FRMD4B: variants seen among roughly 807,000 people sequenced by gnomAD.
FRMD4B encodes FERM domain-containing protein 4B.
A neutral mutation model predicts 141.5 loss-of-function variants in FRMD4B; 74 were observed. The ratio of observed to expected loss-of-function variants is 0.52; its 90% confidence interval spans 0.43 to 0.63. The LOEUF is 0.63. FRMD4B is among the 30% of genes least tolerant of loss of function. FRMD4B has a pLI of 0.00. For missense variants in FRMD4B, 1,366 were observed against 1,253.4 expected (o/e 1.09, Z -1.36); for synonymous variants, 506 against 467.9 (o/e 1.08, Z -1.05).
Position 69,176,605 on chromosome 3 carries a change from A to G in FRMD4B, c.2903T>C (p.Leu968Pro). The G allele has an allele frequency of 6.2e-7, 1 of 1,606,490 alleles. No individual in the cohort carries two copies. Among genetic ancestry groups the G allele is most frequent in the Non-Finnish European group, 8.5e-7 (1 of 1,172,990 alleles). ...ATGTGCTGGAGTCTCGTAATCCGAC[A>G]GCCCTATGGTTAACTGGGTCCTCCA... is the stretch of plus-strand genomic sequence containing the variant. ...GNWRTQLTIG[L>P]SDYETPAHSS... is the part of the protein sequence containing the mutation. Residue 968 changes from leucine (L) to proline (P), a missense_variant, in exon 22 of 23, where the codon CTG becomes CCG. By Grantham distance (98) the Leu-to-Pro change is moderately conservative. Coordinates refer to ENST00000398540, the MANE Select transcript of FRMD4B (RefSeq NM_015123.3).
intron 9 of FRMD4B, among the ~76,000 whole-genome samples, chr3:69,221,145 T>C (rs530108065): frequency 6.6e-6 from 1 of 151,978 alleles, no homozygotes; most frequent in Admixed American, 6.6e-5. Context: ...GTATTTTTAG[T>C]GGAGATGGGG....
chr3:69,183,476 T>C (rs927110256), intron 19 of FRMD4B, among the ~76,000 whole-genome samples: 2 of 122,304 alleles, frequency 1.6e-5, no homozygotes, highest in Non-Finnish European at 3.4e-5. Context: ...AGAAGTTAAT[T>C]TTTTTTTTTT....
At chr3:69,332,917 G>C (rs754986380) in intron 1 of FRMD4B, among the ~76,000 whole-genome samples, 1 of 151,820 alleles carries the variant, frequency 6.6e-6, no homozygotes, top group Non-Finnish European at 1.5e-5. Context: ...CCATCTCCTC[G>C]TCCTTAACAA....
At chr3:69,457,578 C>T (rs890957249) in intron 1 of FRMD4B, among the ~76,000 whole-genome samples, 1 of 152,118 alleles carries the variant, frequency 6.6e-6, no homozygotes, top group African/African-American at 2.4e-5. Context: ...TGGCCGAGGT[C>T]GAAGTGTTAA....
chr3:69,267,868 A>T (rs894750816), intron 5 of FRMD4B, among the ~76,000 whole-genome samples: 1 of 151,652 alleles, frequency 6.6e-6, no homozygotes, highest in Non-Finnish European at 1.5e-5. Flanking sequence ...CGTGGCCTCA[A>T]GTGATCCTCC....
intron 22 of FRMD4B, among the ~76,000 whole-genome samples, chr3:69,172,889 TCTTTGGAAGAAGAG>T (rs2092603435): frequency 1.3e-5 from 2 of 152,150 alleles, no homozygotes; most frequent in African/African-American, 4.8e-5. Context: ...TTTTTTAAAG[TCTTTGGAAGAAGAG>T]CTTTGGAAAT....
intron 2 of FRMD4B, among the ~76,000 whole-genome samples, chr3:69,420,290 C>CCAA (rs1553641598): frequency 2.2e-4 from 29 of 132,012 alleles, no homozygotes; most frequent in African/African-American, 8.1e-4. Flanking sequence ...AAAGGGATAT[C>CCAA]AAAAAAAAAA....
In FRMD4B at chr3:69,267,503, T is replaced by C. The variant is rs138362011; in HGVS notation, c.502-17404A>G. The stretch of plus-strand genomic sequence containing the variant: ...TGTAACCTCCACATGGGCAGAGATA[T>C]CTTTAACTCACTACTGCACACCCAG... On this transcript the variant is annotated intron_variant, in intron 5 of 22. Transcript: ENST00000398540. Among the ~76,000 whole-genome samples, 581 of 151,708 alleles carry C rather than the reference T, an allele frequency of 3.8e-3. 3 individuals are homozygous for C. The highest frequency in any genetic ancestry group is 0.014 in the African/African-American group (561 of 41,270).
chr3:69,365,508 T>TTTTG (rs565431237), intron 1 of FRMD4B, among the ~76,000 whole-genome samples: 4 of 143,524 alleles, frequency 2.8e-5, no homozygotes, highest in African/African-American at 1.1e-4. Context: ...AACCTTTGTT[T>TTTTG]TTTTTCTTTT....
chr3:69,356,107 AC>A (rs1399884656), intron 1 of FRMD4B, among the ~76,000 whole-genome samples: 1 of 152,186 alleles, frequency 6.6e-6, no homozygotes, highest in Non-Finnish European at 1.5e-5. Flanking sequence ...GTAGGGGGGA[AC>A]CCCATATCCC....
At chr3:69,513,931 A>G (rs1706729755) in intron 1 of FRMD4B, among the ~76,000 whole-genome samples, 1 of 152,144 alleles carries the variant, frequency 6.6e-6, no homozygotes, top group Admixed American at 6.6e-5. Flanking sequence ...CATATATGAA[A>G]AATCCACAGC....
At chr3:69,456,947 A>C (rs1705626211) in intron 1 of FRMD4B, among the ~76,000 whole-genome samples, 1 of 152,156 alleles carries the variant, frequency 6.6e-6, no homozygotes, top group Non-Finnish European at 1.5e-5. Context: ...AAAAATATTC[A>C]TTATGTGGCC....
chr3:69,302,610 C>T (rs993535191), intron 3 of FRMD4B, among the ~76,000 whole-genome samples, 175 bp from the exon 4 acceptor site: 1 of 152,228 alleles, frequency 6.6e-6, no homozygotes, highest in African/African-American at 2.4e-5. Context: ...ACTATGAAAG[C>T]ACTTGCTTCT....
chr3:69,298,715 A>G (rs368905474), intron 4 of FRMD4B, among the ~76,000 whole-genome samples: 1 of 152,162 alleles, frequency 6.6e-6, no homozygotes, highest in East Asian at 1.9e-4. Context: ...TCCTTGTCTC[A>G]TCTCCTGCAT....
chr3:69,387,216 G>A (rs1270363888), upstream of FRMD4B, among the ~76,000 whole-genome samples: 1 of 152,070 alleles, frequency 6.6e-6, no homozygotes, highest in Non-Finnish European at 1.5e-5. Context: ...CAGCTGCCTT[G>A]AACTCCTGGG....
At chr3:69,245,838 T>TTTTG (rs2093422204) in intron 7 of FRMD4B, among the ~76,000 whole-genome samples, 1 of 136,202 alleles carries the variant, frequency 7.3e-6, no homozygotes, top group African/African-American at 3.1e-5. Context: ...TAATTTGTTT[T>TTTTG]TTTTTTTTTT....
chr3:69,485,565 C>A (rs1706201750), intron 1 of FRMD4B, among the ~76,000 whole-genome samples: 1 of 152,210 alleles, frequency 6.6e-6, no homozygotes, highest in African/African-American at 2.4e-5. Context: ...CTGGGGAGCT[C>A]CCACCCCACC....
chr3:69,462,827 T>G (rs2106924151), intron 1 of FRMD4B, among the ~76,000 whole-genome samples: 1 of 152,340 alleles, frequency 6.6e-6, no homozygotes, highest in African/African-American at 2.4e-5. Flanking sequence ...CAATGAACTC[T>G]TCTTCCTCTC....
rs746960161 is a variant in FRMD4B at position 69,181,138 on chromosome 3, G to T, written c.2612C>A (p.Ala871Glu). 6.2e-7 allele frequency: 1 copy of T among 1,613,968 alleles called. No individual in the cohort carries two copies. The highest frequency in any genetic ancestry group is 1.1e-5 in the South Asian group (1 of 91,080). The change falls in exon 21 of 23, where the codon GCA (alanine) becomes GAA (glutamate). Residue 871 changes from alanine (A) to glutamate (E), a missense_variant. Physicochemically the swap from Ala to Glu is moderately radical, Grantham distance 107 (BLOSUM62 -1). Coordinates refer to ENST00000398540, the MANE Select transcript of FRMD4B (RefSeq NM_015123.3). ...EVDRVPHNPYATLRLPRKAAA... is the reference protein window; with the variant it reads ...EVDRVPHNPYETLRLPRKAAA... ...AGCCTTCCTTGGCAGCCGGAGAGTTGCATATGGGTTATGGGGTACCCGGTC... is the reference window on the plus strand; with the variant it reads ...AGCCTTCCTTGGCAGCCGGAGAGTTTCATATGGGTTATGGGGTACCCGGTC...
Sources: gnomAD v4.1 joint callset for allele counts (sites outside exome capture counted in the v4.1 genomes callset) on GRCh38, gnomAD v4.1.1 for gene constraint, MANE v1.5 for transcripts, NCBI Gene and HGNC (gene_info 2026-07-23, HGNC 2026-07-21) for gene names.